DYSF: variants seen among roughly 807,000 people sequenced by gnomAD.
DYSF encodes the protein dysferlin, also known as dystrophy-associated fer-1-like 1.
In DYSF, 212 loss-of-function variants were observed where a neutral mutation model predicts 274.9. That is an observed-to-expected ratio of 0.77 (90% confidence interval 0.69 to 0.86). DYSF has a LOEUF of 0.86. Among genes scored for constraint, DYSF ranks in the 40% least tolerant of loss-of-function variants. DYSF has a pLI of 0.00. For synonymous variants in DYSF, 1,091 were observed against 1,078.7 expected, an observed-to-expected ratio of 1.01 and a Z score of -0.22; for missense variants, 2,666 against 2,783.2, an observed-to-expected ratio of 0.96 and a Z score of 0.95.
chr2:71,532,565 G>A (rs1018929291), intron 14 of DYSF, among the ~76,000 whole-genome samples: 1 of 152,230 alleles, frequency 6.6e-6, no homozygotes, highest in African/African-American at 2.4e-5. Context: ...GGGTGTGGCA[G>A]ATGGACCAGC....
At chr2:71,620,324 A>C (rs1030862669) in intron 40 of DYSF, among the ~76,000 whole-genome samples, 1 of 152,186 alleles carries the variant, frequency 6.6e-6, no homozygotes, top group African/African-American at 2.4e-5. Context: ...CTTTGGGCCC[A>C]TTCTCCAGAT....
rs540651482 is a variant in DYSF, at chr2:71,479,959, A to G, written c.92-924A>G. Among the ~76,000 whole-genome samples the G allele has an allele frequency of 2.0e-5, 3 of 152,314 alleles. No individual in the cohort carries two copies. In the East Asian group the frequency reaches 5.8e-4, roughly 29 times the overall value. ...CATTTGAACAATTTCCACATATATA[A>G]TTTAATTGGTTTTAGGTTGCAATAT... is the stretch of plus-strand genomic sequence containing the variant. On this transcript the variant is annotated intron_variant, in intron 1 of 55. Transcript: ENST00000410020.
At chr2:71,642,882 G>A (rs72904627) in intron 41 of DYSF, among the ~76,000 whole-genome samples, 7,809 of 152,298 alleles carry the variant, frequency 0.051, 680 homozygotes, top group African/African-American at 0.18. Context: ...TCTGTGATAG[G>A]TGTTCAGTTC....
intron 4 of DYSF, among the ~76,000 whole-genome samples, chr2:71,510,654 T>C (rs947666144): frequency 6.6e-6 from 1 of 152,186 alleles, no homozygotes; most frequent in African/African-American, 2.4e-5. Flanking sequence ...CCCTTCTCTC[T>C]TGGGACTGAG....
chr2:71,626,934 T>A (rs946567311), intron 41 of DYSF, among the ~76,000 whole-genome samples: 1 of 151,850 alleles, frequency 6.6e-6, no homozygotes, highest in Non-Finnish European at 1.5e-5. Flanking sequence ...TATCTATTTC[T>A]TCCTAAAAAT....
At chr2:71,469,540 C>T (rs1392066116) in intron 1 of DYSF, among the ~76,000 whole-genome samples, 3 of 152,222 alleles carry the variant, frequency 2.0e-5, no homozygotes, top group African/African-American at 7.2e-5. Flanking sequence ...GTGTGTTTGG[C>T]TCCTACAGGC....
chr2:71,476,947 C>G (rs2082441040), intron 1 of DYSF, among the ~76,000 whole-genome samples: 1 of 151,392 alleles, frequency 6.6e-6, no homozygotes, highest in Non-Finnish European at 1.5e-5. Context: ...CCTGCCATTT[C>G]AAGGAAAATG....
At chr2:71,568,981 T>TCCGGCCTCAGCCTCC (rs1473258123) in intron 26 of DYSF, among the ~76,000 whole-genome samples, 1 of 152,100 alleles carries the variant, frequency 6.6e-6, no homozygotes, top group Non-Finnish European at 1.5e-5. Flanking sequence ...CACGCCATTC[T>TCCGGCCTCAGCCTCC]CCGGCCTCAG....
At chr2:71,456,336 G>A (rs1306076785) in intron 1 of DYSF, among the ~76,000 whole-genome samples, 1 of 151,778 alleles carries the variant, frequency 6.6e-6, no homozygotes, top group Non-Finnish European at 1.5e-5. Context: ...CCCTCCCCCA[G>A]CCCCTGGCCA....
intron 30 of DYSF, among the ~76,000 whole-genome samples, chr2:71,579,149 C>T (rs1265149761): frequency 1.3e-5 from 2 of 152,148 alleles, no homozygotes; most frequent in Non-Finnish European, 2.9e-5. Flanking sequence ...CAGTCACCCC[C>T]TCCTGACGCC....
In DYSF at chr2:71,570,965, T is replaced by TGGGA. The variant is rs1423628526; in HGVS notation, c.3228+224_3228+225insGGGA. The TGGGA allele has an allele frequency of 8.0e-3, 4,163 of 518,002 alleles. 51 individuals carry two copies. The highest frequency in any genetic ancestry group is 0.015 in the Middle Eastern group (27 of 1,852). The allele number at this position is 518,002 out of a possible 1,614,324, so 32.1% of individuals were successfully genotyped here. A position where few individuals can be genotyped will look rare whatever the true frequency, so the allele number is the denominator to read the frequency against. ...GCATACCCAAAGATCACACCCAGCATACACACAGATCACACCCAGCACACA... is the reference window on the plus strand; with the variant it reads ...GCATACCCAAAGATCACACCCAGCATGGGAACACACAGATCACACCCAGCACACA... On this transcript the variant is annotated intron_variant, in intron 29 of 55. Transcript: ENST00000410020.
At chr2:71,571,006 A>C in intron 29 of DYSF, 1 of 506,690 alleles carries the variant, frequency 2.0e-6, no homozygotes, top group Non-Finnish European at 3.6e-6. Flanking sequence ...CACTGGGAAC[A>C]CCCACAGATC....
At chr2:71,623,306 C>T (rs2094144171) in intron 41 of DYSF, among the ~76,000 whole-genome samples, 1 of 148,298 alleles carries the variant, frequency 6.7e-6, no homozygotes, top group Admixed American at 6.7e-5. Flanking sequence ...GGTATATCTC[C>T]CAATGCTGTC....
At chr2:71,638,826 C>T (rs188509014) in intron 41 of DYSF, among the ~76,000 whole-genome samples, 1 of 152,242 alleles carries the variant, frequency 6.6e-6, no homozygotes, top group East Asian at 1.9e-4. Context: ...CATAAGTTTT[C>T]ATTTCTCTTG....
intron 12 of DYSF, among the ~76,000 whole-genome samples, chr2:71,524,594 A>G (rs1000535644): frequency 1.3e-5 from 2 of 152,196 alleles, no homozygotes; most frequent in African/African-American, 4.8e-5. Flanking sequence ...AGGCTAGTCC[A>G]GGCAACTGTC....
intron 41 of DYSF, among the ~76,000 whole-genome samples, chr2:71,632,096 C>T (rs947399847): frequency 1.3e-5 from 2 of 152,196 alleles, no homozygotes; most frequent in Admixed American, 1.3e-4. Flanking sequence ...TGGAAATCTA[C>T]AGCATAGGCA....
chr2:71,583,160 A>G (rs1366437766), intron 30 of DYSF, among the ~76,000 whole-genome samples: 1 of 152,060 alleles, frequency 6.6e-6, no homozygotes, highest in African/African-American at 2.4e-5. Flanking sequence ...ATTTTTACTA[A>G]TGGCTGTGTT....
intron 25 of DYSF, 22 bp downstream of exon 25, chr2:71,568,104 C>T (rs374743855): frequency 1.2e-6 from 2 of 1,614,222 alleles, no homozygotes; most frequent in Non-Finnish European, 1.7e-6. Context: ...CCAGCCCCCA[C>T]CTCTGCCTCC....
chr2:71,659,255 A>G (rs1261093719), intron 44 of DYSF, among the ~76,000 whole-genome samples: 2 of 152,224 alleles, frequency 1.3e-5, no homozygotes, highest in African/African-American at 4.8e-5. Flanking sequence ...AAAATGGGGA[A>G]GGCTTCCTGG....
Sources: gnomAD v4.1 joint callset for allele counts (sites outside exome capture counted in the v4.1 genomes callset) on GRCh38, gnomAD v4.1.1 for gene constraint, MANE v1.5 for transcripts, NCBI Gene and HGNC (gene_info 2026-07-23, HGNC 2026-07-21) for gene names.